Variants in SLC22A25 observed in about 807,000 individuals in gnomAD.
The protein encoded by SLC22A25 is MGI:2442751, MGI:2385316, MGI:3042283, MGI:3645714, MGI:3605624, MGI:2442750.
SLC22A25 carries 44 observed loss-of-function variants against 45.9 expected under a neutral mutation model. The ratio of observed to expected loss-of-function variants is 0.96; its 90% CI spans 0.75 to 1.23. SLC22A25 has a LOEUF of 1.23. Ranked by LOEUF, SLC22A25 falls within the 50% of genes most tolerant of loss-of-function variation. The probability of loss-of-function intolerance (pLI) is 0.00; values close to 1 mark genes in which losing one functional copy is unlikely to be tolerated. For missense variants in SLC22A25, 800 were observed against 666.4 expected (o/e 1.20, Z -2.21); for synonymous variants, 283 against 238.6 (o/e 1.19, Z -1.72).
At chr11:63,188,087 C>T (rs554243310) in intron 7 of SLC22A25, among the ~76,000 whole-genome samples, 118 of 152,220 alleles carry the variant, frequency 7.8e-4, no homozygotes, top group African/African-American at 2.7e-3. Context: ...ATTCCCTTTT[C>T]TTCTACTGAT....
intron 1 of SLC22A25, 128 bp downstream of exon 1, chr11:63,243,306 G>C: frequency 2.2e-6 from 1 of 450,244 alleles, no homozygotes; most frequent in Non-Finnish European, 4.2e-6. Flanking sequence ...ACTTCTGATG[G>C]TGGCCAACAT....
chr11:63,161,562 T>G lies in SLC22A25; in HGVS notation c.*2262A>C, dbSNP rs527636812. On this transcript the variant is annotated 3_prime_UTR_variant, in exon 12 of 12. Transcript: ENST00000306494. ...GTTTCCCATGCTCTTCCTATGATAG[T>G]GAATAAATCTCACATGATCTGATGG... Among the ~76,000 whole-genome samples the G allele has an allele frequency of 6.6e-6, 1 of 152,270 alleles. No homozygotes were observed. The highest frequency in any genetic ancestry group is 2.1e-4 in the South Asian group (1 of 4,824).
At chr11:63,225,554 G>T (rs993314279) in intron 5 of SLC22A25, among the ~76,000 whole-genome samples, 2 of 152,078 alleles carry the variant, frequency 1.3e-5, no homozygotes, top group African/African-American at 4.8e-5. Context: ...GCGTGTTTAG[G>T]ATTCTTTATT....
chr11:63,189,913 A>C (rs1218412133), intron 7 of SLC22A25, among the ~76,000 whole-genome samples: 2 of 152,238 alleles, frequency 1.3e-5, no homozygotes, highest in African/African-American at 2.4e-5. Flanking sequence ...CCGACAGATC[A>C]GCTGTTAGTC....
At chr11:63,239,436 T>C (rs2090213579) in intron 1 of SLC22A25, among the ~76,000 whole-genome samples, 1 of 152,208 alleles carries the variant, frequency 6.6e-6, no homozygotes, top group Non-Finnish European at 1.5e-5. Flanking sequence ...GCATCAACCT[T>C]TGATCTCCAC....
intron 7 of SLC22A25, among the ~76,000 whole-genome samples, chr11:63,196,768 G>A (rs971960700): frequency 3.9e-5 from 6 of 152,122 alleles, no homozygotes; most frequent in African/African-American, 1.4e-4. Flanking sequence ...CAATCAGGTA[G>A]GAGAAAGAAA....
At position 63,229,517 on chromosome 11, in the gene SLC22A25, C is replaced by T; in HGVS notation, c.136G>A (p.Asp46Asn). 1 of 1,614,102 alleles carries T rather than the reference C, an allele frequency of 6.2e-7. No homozygotes were observed. The highest frequency in any genetic ancestry group is 8.5e-7 in the Non-Finnish European group (1 of 1,179,976). Residue 46 changes from aspartate to asparagine, a missense_variant, in exon 4 of 12, where the codon GAT becomes AAT. Transcript: ENST00000306494. ...AGTATATGAACCCAGCAGCGATGAT[C>T]AAGTATGAATGCTGCGAAGTTCTCC... ...QLENFAAFIL[D>N]HRCWVHILDN...
intron 7 of SLC22A25, 68 bp downstream of exon 7, chr11:63,217,246 T>C (rs2089735074): frequency 1.3e-6 from 2 of 1,523,410 alleles, no homozygotes; most frequent in Non-Finnish European, 1.8e-6. Flanking sequence ...ATGGAATTCA[T>C]GTCCTCATTC....
intron 7 of SLC22A25, among the ~76,000 whole-genome samples, chr11:63,200,777 G>T (rs1164568823): frequency 6.6e-6 from 1 of 152,104 alleles, no homozygotes; most frequent in Non-Finnish European, 1.5e-5. Context: ...CAGACCAAAA[G>T]CTTCTTAAGC....
intron 1 of SLC22A25, among the ~76,000 whole-genome samples, chr11:63,242,722 C>T (rs2090270205): frequency 6.6e-6 from 1 of 152,184 alleles, no homozygotes; most frequent in South Asian, 2.1e-4. Context: ...CAAGTTGACA[C>T]TCAATATTAA....
chr11:63,166,943 A>T, intron 9 of SLC22A25: 3 of 804,582 alleles, frequency 3.7e-6, no homozygotes, highest in Non-Finnish European at 4.5e-6. Flanking sequence ...GCAATGCGGA[A>T]GGTGAGTGAT....
chr11:63,231,103 A>C (rs766998764), intron 3 of SLC22A25, among the ~76,000 whole-genome samples: 2 of 152,212 alleles, frequency 1.3e-5, no homozygotes, highest in Non-Finnish European at 2.9e-5. Context: ...TAGTGCCACA[A>C]TAAACATACA....
intron 5 of SLC22A25, among the ~76,000 whole-genome samples, chr11:63,227,696 T>G (rs1345756038): frequency 6.6e-6 from 1 of 152,222 alleles, no homozygotes; most frequent in Non-Finnish European, 1.5e-5. Context: ...CACTGGCTCT[T>G]AGCCCAGCCC....
Position 63,195,451 on chromosome 11 carries a change from C to A in SLC22A25, c.831-11634G>T, listed in dbSNP as rs534096306. ...AATTAGAACTCAGGATTAAGAAACT[C>A]ACTCAAAACCACTCAACTACATGGA... On this transcript the variant is annotated intron_variant, in intron 7 of 11. Transcript: ENST00000306494. Among the ~76,000 whole-genome samples, 568 of 152,270 alleles carry A rather than the reference C, an allele frequency of 3.7e-3. 5 individuals are homozygous for A. The highest frequency in any genetic ancestry group is 0.013 in the African/African-American group (536 of 41,542).
chr11:63,226,558 G>A (rs2089966110), intron 5 of SLC22A25, among the ~76,000 whole-genome samples: 1 of 152,158 alleles, frequency 6.6e-6, no homozygotes, highest in Non-Finnish European at 1.5e-5. Flanking sequence ...AACTCCCTGA[G>A]GCCACTACCA....
intron 11 of SLC22A25, 111 bp downstream of exon 11, chr11:63,164,415 C>T (rs530403842): frequency 3.1e-6 from 3 of 958,538 alleles, no homozygotes; most frequent in African/African-American, 1.6e-5. Flanking sequence ...ATGACTATTA[C>T]ATTTGATTGT....
chr11:63,211,712 C>T (rs1360218295), intron 7 of SLC22A25, among the ~76,000 whole-genome samples: 1 of 152,092 alleles, frequency 6.6e-6, no homozygotes, highest in Non-Finnish European at 1.5e-5. Context: ...ACCTTAAAAA[C>T]CCTAGAAGAA....
rs199649836 is a variant in SLC22A25, at chr11:63,183,689, C to A, written c.954+5G>T. ...CATCCCATATCCAGCTCCCGTCTTG[C>A]TTACCTCCATGGTTAGGATGTCTTC... On this transcript the variant is annotated splice_donor_5th_base_variant and intron_variant, in intron 8 of 11. Coordinates refer to ENST00000306494, the MANE Select transcript of SLC22A25 (RefSeq NM_199352.6). The A allele has an allele frequency of 6.2e-7, 1 of 1,612,604 alleles. No homozygotes were observed. Among genetic ancestry groups the A allele is most frequent in the South Asian group, 1.1e-5 (1 of 90,980 alleles).
intron 7 of SLC22A25, among the ~76,000 whole-genome samples, chr11:63,189,089 C>T (rs2088685785): frequency 6.6e-6 from 1 of 152,154 alleles, no homozygotes; most frequent in South Asian, 2.1e-4. Context: ...AGTTTAGTTC[C>T]TGTATATCCT....
Sources: gnomAD v4.1 joint callset for allele counts (sites outside exome capture counted in the v4.1 genomes callset) on GRCh38, gnomAD v4.1.1 for gene constraint, MANE v1.5 for transcripts, NCBI Gene and HGNC (gene_info 2026-07-23, HGNC 2026-07-21) for gene names.